FYCO1: variants seen among roughly 807,000 people sequenced by gnomAD.
The protein encoded by FYCO1 is FYVE and coiled-coil domain-containing protein 1.
Under a neutral mutation model 165.1 loss-of-function variants are expected in FYCO1, and 122 were observed. The ratio of observed to expected loss-of-function variants is 0.74; its 90% CI spans 0.64 to 0.86. The LOEUF (loss-of-function observed/expected upper bound fraction) is 0.86. Among genes scored for constraint, FYCO1 ranks in the 40% least tolerant of loss-of-function variants. The pLI is 0.00. For synonymous variants in FYCO1, 648 were observed against 742.5 expected, an observed-to-expected ratio of 0.87 and a Z score of 2.07; for missense variants, 1,702 against 1,810.3, an observed-to-expected ratio of 0.94 and a Z score of 1.09.
intron 14 of FYCO1, chr3:45,946,689 C>T (rs774527055): frequency 6.2e-7 from 1 of 1,614,238 alleles, no homozygotes; most frequent in Non-Finnish European, 8.5e-7. Context: ...GGATGTGTTC[C>T]TGGTGAACCT....
Position 45,975,263 on chromosome 3 carries a change from C to A in FYCO1, c.371G>T (p.Cys124Phe). ...HQRLADTLQQ[C>F]FMNTKVTSDW... ...CCTGGTCACTTTGGTGTTCATGAAG[C>A]ACTGCTGTAAGGTGTCTGCCAACCT... Residue 124 changes from cysteine to phenylalanine, a missense_variant, in exon 5 of 18, where the codon TGC becomes TTC. Cys to Phe is a radical substitution (Grantham distance 205). Transcript: ENST00000296137. 1 of 1,613,454 alleles carries A rather than the reference C, an allele frequency of 6.2e-7. No individual in the cohort carries two copies. Among genetic ancestry groups the A allele is most frequent in the Non-Finnish European group, 8.5e-7 (1 of 1,179,390 alleles).
At chr3:45,931,960 C>T (rs1474722936) in intron 15 of FYCO1, among the ~76,000 whole-genome samples, 1 of 152,210 alleles carries the variant, frequency 6.6e-6, no homozygotes, top group Non-Finnish European at 1.5e-5. Context: ...GGTTCATTGA[C>T]AGTGAGTTCC....
intron 14 of FYCO1, among the ~76,000 whole-genome samples, chr3:45,953,781 T>C (rs938803179): frequency 6.6e-6 from 1 of 152,222 alleles, no homozygotes; most frequent in African/African-American, 2.4e-5. Flanking sequence ...GGAAAGTCCC[T>C]TGGGTTCCAC....
intron 14 of FYCO1, chr3:45,947,534 T>C (rs768142545): frequency 2.4e-5 from 38 of 1,592,964 alleles, no homozygotes; most frequent in Non-Finnish European, 3.3e-5. Flanking sequence ...TTCGAGAAGC[T>C]GCTCTGGAAT....
chr3:45,981,547 A>C lies in FYCO1; in HGVS notation c.162+23T>G, dbSNP rs777325863. ...GAAAAGAGATACCAGTGCAAAAATC[A>C]ACACATTACAGGCATCACTTACTTG... On this transcript the variant is annotated intron_variant, in intron 3 of 17. Coordinates refer to ENST00000296137, the MANE Select transcript of FYCO1 (RefSeq NM_024513.4). The C allele has an allele frequency of 3.5e-6, 5 of 1,415,178 alleles. No homozygotes were observed. In the Admixed American group the frequency reaches 8.4e-5, roughly 24 times the overall value. The allele number at this position is 1,415,178 out of a possible 1,614,324, so 87.7% of individuals were successfully genotyped here.
intron 14 of FYCO1, among the ~76,000 whole-genome samples, chr3:45,953,827 T>C (rs1705164666): frequency 6.6e-6 from 1 of 152,342 alleles, no homozygotes; most frequent in East Asian, 1.9e-4. Context: ...ATATTTTTCT[T>C]ACTGCTAAAA....
Position 45,923,743 on chromosome 3 carries a change from C to A in FYCO1, c.4274G>T (p.Cys1425Phe). ...QCKVLIPTTR[C>F]NSHKENIQGQ... ...CTGGATGTTCTCCTTGTGGGAGTTG[C>A]ATCGGGTCGTGGGAATGAGGACCTG... Residue 1425 changes from cysteine (C) to phenylalanine (F), a missense_variant, in exon 17 of 18, where the codon TGC becomes TTC. Physicochemically the swap from Cys to Phe is radical, Grantham distance 205 (BLOSUM62 -2). Coordinates refer to ENST00000296137, the MANE Select transcript of FYCO1 (RefSeq NM_024513.4). The A allele has an allele frequency of 1.2e-6, 2 of 1,614,026 alleles. No individual in the cohort carries two copies. The highest frequency in any genetic ancestry group is 1.7e-6 in the Non-Finnish European group (2 of 1,179,942).
chr3:45,944,292 AG>A lies in FYCO1; in HGVS notation c.3945-7750del, dbSNP rs55994531. 1.9e-3 allele frequency among the ~76,000 whole-genome samples: 291 copies of A among 152,278 alleles called. 2 individuals carry two copies. The highest frequency in any genetic ancestry group is 0.017 in the Middle Eastern group (5 of 294). On this transcript the variant is annotated intron_variant, in intron 14 of 17. Coordinates refer to ENST00000296137, the MANE Select transcript of FYCO1 (RefSeq NM_024513.4). ...TCTCAAAGGAGTTTATGGTCAAAAAAGGTTAAGAATCACAATTTTATATCCT... is the reference window on the plus strand; with the variant it reads ...TCTCAAAGGAGTTTATGGTCAAAAAAGTTAAGAATCACAATTTTATATCCT...
chr3:45,979,541 T>C (rs1470215693), intron 4 of FYCO1, among the ~76,000 whole-genome samples, 164 bp downstream of exon 4: 1 of 152,230 alleles, frequency 6.6e-6, no homozygotes, highest in South Asian at 2.1e-4. Flanking sequence ...TCCCCAACCT[T>C]GAGCCACTGC....
intron 1 of FYCO1, among the ~76,000 whole-genome samples, chr3:45,988,142 G>A (rs1707393267): frequency 1.3e-5 from 2 of 152,184 alleles, no homozygotes; most frequent in Non-Finnish European, 2.9e-5. Flanking sequence ...CCAGGCCTGT[G>A]GGGTGTGGTG....
At chr3:45,950,503 G>A (rs1051913682) in intron 14 of FYCO1, among the ~76,000 whole-genome samples, 2 of 152,138 alleles carry the variant, frequency 1.3e-5, no homozygotes, top group African/African-American at 4.8e-5. Flanking sequence ...CCCTACTGGA[G>A]GGGTGGAGGC....
rs369961423 is a variant in FYCO1 at position 45,931,258 on chromosome 3, T to A, written c.4064A>T (p.Asp1355Val). 6.2e-7 allele frequency: 1 copy of A among 1,613,700 alleles called. No individual in the cohort carries two copies. The highest frequency in any genetic ancestry group is 8.5e-7 in the Non-Finnish European group (1 of 1,179,926). ...ACCCTCCCCGAAGCTGGCGATCTCA[T>A]CCACTGTGAGGGGTACTTTGATCCT... ...ELMIKVPLTV[D>V]EIASFGEGSR... The change falls in exon 16 of 18, where the codon GAT becomes GTT. Residue 1355 changes from aspartate to valine, a missense_variant. By Grantham distance (152) the Asp-to-Val change is radical. Coordinates refer to ENST00000296137, the MANE Select transcript of FYCO1 (RefSeq NM_024513.4).
At chr3:45,950,496 T>C (rs1378946480) in intron 14 of FYCO1, among the ~76,000 whole-genome samples, 1 of 152,050 alleles carries the variant, frequency 6.6e-6, no homozygotes, top group Admixed American at 6.5e-5. Flanking sequence ...GAGCTACCCC[T>C]ACTGGAGGGG....
Position 45,921,632 on chromosome 3 carries a change from C to T in FYCO1, c.*133G>A, listed in dbSNP as rs1703096167. ...TGAGCACAAAGTCCTCCCCAGACAC[C>T]GCCTCTGAGGGGCAGCCCAGGGGCT... is the stretch of plus-strand genomic sequence containing the variant. On this transcript the variant is annotated 3_prime_UTR_variant, in exon 18 of 18. Coordinates refer to ENST00000296137, the MANE Select transcript of FYCO1 (RefSeq NM_024513.4). The T allele has an allele frequency of 7.0e-6, 5 of 714,570 alleles. No individual in the cohort carries two copies. Among genetic ancestry groups the T allele is most frequent in the Admixed American group, 2.0e-5 (1 of 49,974 alleles). 44.3% of individuals were successfully genotyped at this position (714,570 alleles called of 1,614,324 possible).
chr3:45,977,448 G>T (rs1344110770), intron 4 of FYCO1, among the ~76,000 whole-genome samples: 1 of 126,500 alleles, frequency 7.9e-6, no homozygotes, highest in African/African-American at 2.8e-5. Context: ...TAGGGGGAAG[G>T]GAACAATAGT....
intron 14 of FYCO1, among the ~76,000 whole-genome samples, chr3:45,954,569 C>G (rs918514480): frequency 2.0e-5 from 3 of 152,148 alleles, no homozygotes; most frequent in Non-Finnish European, 4.4e-5. Context: ...CAAGGGCGGC[C>G]CAGCAAGGGT....
rs535427642 is a variant in FYCO1, at chr3:45,991,182, C to G, written c.-113+4540G>C. Reference sequence around the variant, plus strand: ...TGAATAAAATAATGCACTTAAAACACCATGTAGAAATTGTGAACATTATGT... The same window carrying G: ...TGAATAAAATAATGCACTTAAAACAGCATGTAGAAATTGTGAACATTATGT... On this transcript the variant is annotated intron_variant, in intron 1 of 17. Transcript: ENST00000296137. Among the ~76,000 whole-genome samples the G allele has an allele frequency of 1.9e-3, 296 of 152,278 alleles. 2 individuals carry two copies. Among genetic ancestry groups the G allele is most frequent in the Middle Eastern group, 0.017 (5 of 294 alleles).
intron 14 of FYCO1, among the ~76,000 whole-genome samples, chr3:45,949,585 C>G (rs1410951090): frequency 6.6e-6 from 1 of 152,184 alleles, no homozygotes; most frequent in Non-Finnish European, 1.5e-5. Flanking sequence ...ACCCCTGACC[C>G]AAGCCCTGGT....
In FYCO1 at chr3:45,961,850, T is replaced by G. The variant is rs187336938; in HGVS notation, c.3437+375A>C. Among the ~76,000 whole-genome samples the G allele has an allele frequency of 1.9e-3, 294 of 152,360 alleles. 1 individual carries two copies. Among genetic ancestry groups the G allele is most frequent in the African/African-American group, 6.9e-3 (286 of 41,592 alleles). ...AGGAAAAGTTAAAATAAGTTTTGAA[T>G]GACTTGTCAGCATTAAAAAATCAGG... On this transcript the variant is annotated intron_variant, in intron 11 of 17. Coordinates refer to ENST00000296137, the MANE Select transcript of FYCO1 (RefSeq NM_024513.4).
Sources: allele counts gnomAD v4.1 joint callset (sites outside exome capture counted in the v4.1 genomes callset), GRCh38; gene constraint gnomAD v4.1.1; transcripts MANE v1.5; gene names NCBI Gene and HGNC (gene_info 2026-07-23, HGNC 2026-07-21).